WDFY4: variants seen among roughly 807,000 people sequenced by gnomAD.
The protein encoded by WDFY4 is WDFY family member 4.
A neutral mutation model predicts 351.9 loss-of-function variants in WDFY4; 169 were observed. The ratio of observed to expected loss-of-function variants is 0.48; its 90% CI spans 0.42 to 0.55. The LOEUF is 0.55. Ranked by LOEUF, WDFY4 falls within the 20% of genes least tolerant of loss-of-function variation. The probability of loss-of-function intolerance (pLI) is 0.00; values close to 1 mark genes in which losing one functional copy is unlikely to be tolerated. For missense variants in WDFY4, 3,803 were observed against 3,935.6 expected (o/e 0.97, Z 0.90); for synonymous variants, 1,622 against 1,574.6 (o/e 1.03, Z -0.71).
At chr10:48,868,598 A>G (rs1223573027) in intron 40 of WDFY4, among the ~76,000 whole-genome samples, 3 of 152,210 alleles carry the variant, frequency 2.0e-5, no homozygotes, top group Non-Finnish European at 4.4e-5. Flanking sequence ...GATTTCACTC[A>G]GGGATAGCAA....
In WDFY4 at chr10:48,709,791, A is replaced by G. The variant is rs748945050; in HGVS notation, c.59A>G (p.Asn20Ser). 140 of 1,551,824 alleles carry G rather than the reference A, an allele frequency of 9.0e-5. No individual in the cohort carries two copies. Among genetic ancestry groups the G allele is most frequent in the Non-Finnish European group, 1.2e-4 (136 of 1,147,044 alleles). ...EDRNEDPGSK[N>S]EGQLAAVQPD... ...AGAAATGAAGACCCAGGTTCCAAAA[A>G]TGAAGGGCAGCTTGCTGCTGTGCAG... Residue 20 changes from asparagine to serine, a missense_variant, in exon 2 of 62, where the codon AAT becomes AGT. Physicochemically the swap from Asn to Ser is conservative, Grantham distance 46. Transcript: ENST00000325239.
intron 47 of WDFY4, among the ~76,000 whole-genome samples, chr10:48,932,334 A>G (rs1047643178): frequency 6.6e-6 from 1 of 152,228 alleles, no homozygotes; most frequent in Non-Finnish European, 1.5e-5. Context: ...TCTCAGATGG[A>G]GGAGTTGGAG....
chr10:48,776,936 C>T lies in WDFY4; in HGVS notation c.3050C>T (p.Ala1017Val). Residue 1017 changes from alanine to valine, a missense_variant, in exon 16 of 62, where the codon GCC becomes GTC. Transcript: ENST00000325239. ...SPRNLQPQRA[A>V]LAPSFVEFDM... ...CGCAACCTGCAGCCTCAGAGGGCAGCCCTGGCCCCATCGTTTGTGGAATTT... is the reference window on the plus strand; with the variant it reads ...CGCAACCTGCAGCCTCAGAGGGCAGTCCTGGCCCCATCGTTTGTGGAATTT... 1.3e-6 allele frequency: 2 copies of T among 1,552,360 alleles called. No homozygotes were observed. The highest frequency in any genetic ancestry group is 8.7e-7 in the Non-Finnish European group (1 of 1,147,136).
chr10:48,773,855 C>T (rs1241757470), intron 13 of WDFY4, among the ~76,000 whole-genome samples: 5 of 152,184 alleles, frequency 3.3e-5, no homozygotes, highest in Admixed American at 6.5e-5. Flanking sequence ...AGTGGTACTT[C>T]TTTTAGTCTT....
At chr10:48,707,938 C>G (rs907899757) in intron 1 of WDFY4, among the ~76,000 whole-genome samples, 2 of 152,026 alleles carry the variant, frequency 1.3e-5, no homozygotes, top group African/African-American at 2.4e-5. Flanking sequence ...GTTAGCCCCC[C>G]AAAAGAAACA....
At chr10:48,806,142 G>A in intron 27 of WDFY4, 47 bp downstream of exon 27, 1 of 1,528,878 alleles carries the variant, frequency 6.5e-7, no homozygotes, top group Non-Finnish European at 8.9e-7. Context: ...GGCCCTCACG[G>A]AACCCCTGAG....
intron 39 of WDFY4, among the ~76,000 whole-genome samples, chr10:48,843,796 GA>G (rs762349187): frequency 1.5e-4 from 23 of 152,316 alleles, no homozygotes; most frequent in Non-Finnish European, 3.1e-4. Flanking sequence ...TGGTTGGGGG[GA>G]AAGGTATCAC....
chr10:48,696,339 C>T (rs1389754920), intron 1 of WDFY4, among the ~76,000 whole-genome samples: 1 of 152,230 alleles, frequency 6.6e-6, no homozygotes, highest in Non-Finnish European at 1.5e-5. Flanking sequence ...GTGGCCCACT[C>T]CTTGCTCTCC....
chr10:48,765,060 G>A (rs896624837), intron 13 of WDFY4, among the ~76,000 whole-genome samples: 1 of 152,224 alleles, frequency 6.6e-6, no homozygotes, highest in African/African-American at 2.4e-5. Context: ...GTTAAGCTGG[G>A]CTAGAATAGA....
At chr10:48,705,132 G>A (rs917152077) in intron 1 of WDFY4, among the ~76,000 whole-genome samples, 4 of 152,212 alleles carry the variant, frequency 2.6e-5, no homozygotes, top group East Asian at 1.9e-4. Context: ...AGGTCCAGAC[G>A]TGGTGTCTGT....
intron 47 of WDFY4, among the ~76,000 whole-genome samples, chr10:48,935,812 A>G (rs1840321519): frequency 6.6e-6 from 1 of 152,178 alleles, no homozygotes; most frequent in African/African-American, 2.4e-5. Flanking sequence ...ATGAACACAC[A>G]GCAGTAAGCC....
intron 12 of WDFY4, among the ~76,000 whole-genome samples, chr10:48,756,690 A>G (rs2065347291): frequency 6.6e-6 from 1 of 152,092 alleles, no homozygotes; most frequent in African/African-American, 2.4e-5. Context: ...AATCTTTCAA[A>G]TGCTTTTTAT....
rs1025424433 is a variant in WDFY4 at position 48,775,798 on chromosome 10, G to A, written c.2855G>A (p.Gly952Glu). Residue 952 changes from glycine to glutamate, a missense_variant, in exon 15 of 62, where the codon GGG (glycine) becomes GAG (glutamate). Coordinates refer to ENST00000325239, the MANE Select transcript of WDFY4 (RefSeq NM_001394531.1). Reference sequence around the variant, plus strand: ...TCTCACACACACAGAGGCAACCCTGGGTGCTCAGGTGAGGACAGTGGCAAG... The same window carrying A: ...TCTCACACACACAGAGGCAACCCTGAGTGCTCAGGTGAGGACAGTGGCAAG... Reference protein sequence around the residue: ...DSSHTHRGNPGCSGSQTAQGL... With the variant: ...DSSHTHRGNPECSGSQTAQGL... 1 of 1,551,652 alleles carries A rather than the reference G, an allele frequency of 6.4e-7. No homozygotes were observed. Among genetic ancestry groups the A allele is most frequent in the Non-Finnish European group, 8.7e-7 (1 of 1,146,934 alleles).
In WDFY4 at chr10:48,807,899, C is replaced by T; in HGVS notation, c.4779C>T (p.Asn1593=). ...QTSGKTIWLR[N]QLLEMLLSVI... Reference sequence around the variant, plus strand: ...CTGGAAAGACAATCTGGCTCAGAAACCAGTTGCTGGAGATGCTGCTCAGTG... The same window carrying T: ...CTGGAAAGACAATCTGGCTCAGAAATCAGTTGCTGGAGATGCTGCTCAGTG... Residue 1593 remains asparagine, a synonymous_variant, in exon 28 of 62, where the codon AAC becomes AAT. Coordinates refer to ENST00000325239, the MANE Select transcript of WDFY4 (RefSeq NM_001394531.1). 1 of 1,551,542 alleles carries T rather than the reference C, an allele frequency of 6.4e-7. No individual in the cohort carries two copies. Among genetic ancestry groups the T allele is most frequent in the Non-Finnish European group, 8.7e-7 (1 of 1,146,934 alleles).
At chr10:48,906,188 G>T (rs182197762) in intron 47 of WDFY4, among the ~76,000 whole-genome samples, 1 of 152,154 alleles carries the variant, frequency 6.6e-6, no homozygotes, top group Admixed American at 6.5e-5. Context: ...TGTGTGTGCC[G>T]TTCTGAGGGT....
intron 12 of WDFY4, among the ~76,000 whole-genome samples, chr10:48,759,993 A>T (rs1338012333): frequency 3.3e-5 from 5 of 151,612 alleles, no homozygotes; most frequent in African/African-American, 9.7e-5. Context: ...TGTGTGTGTG[A>T]GTGAGTGTGT....
intron 53 of WDFY4, among the ~76,000 whole-genome samples, chr10:48,962,880 G>A (rs1841923231): frequency 6.6e-6 from 1 of 152,212 alleles, no homozygotes; most frequent in Non-Finnish European, 1.5e-5. Context: ...CTCCTTGCCT[G>A]CTGCATGCCC....
At chr10:48,959,925 T>C in intron 53 of WDFY4, 112 bp downstream of exon 53, 1 of 951,548 alleles carries the variant, frequency 1.1e-6, no homozygotes. Context: ...GTGAGGCTCA[T>C]GTCTGGAAAA....
intron 11 of WDFY4, among the ~76,000 whole-genome samples, chr10:48,738,347 A>T (rs1332432201): frequency 6.6e-6 from 1 of 152,232 alleles, no homozygotes; most frequent in Non-Finnish European, 1.5e-5. Context: ...AGTAATGTAA[A>T]GTCGTTATGG....
Sources: allele counts gnomAD v4.1 joint callset (sites outside exome capture counted in the v4.1 genomes callset), GRCh38; gene constraint gnomAD v4.1.1; transcripts MANE v1.5; gene names NCBI Gene and HGNC (gene_info 2026-07-23, HGNC 2026-07-21).